Variants in BCORL1 observed in about 807,000 individuals in gnomAD.
The protein encoded by BCORL1 is BCL6 corepressor like 1.
Under a neutral mutation model 87.6 loss-of-function variants are expected in BCORL1, and 7 were observed. The observed-to-expected ratio is 0.08, with a 90% CI of 0.05 to 0.15. The LOEUF (loss-of-function observed/expected upper bound fraction) is 0.15. Among genes scored for constraint, BCORL1 ranks in the 10% least tolerant of loss-of-function variants. BCORL1 has a pLI of 1.00. For synonymous variants in BCORL1, 591 were observed against 634.4 expected, an observed-to-expected ratio of 0.93 and a Z score of 1.03; for missense variants, 1,215 against 1,499.7, an observed-to-expected ratio of 0.81 and a Z score of 3.13.
chrX:129,986,453 C>CA (rs1181741477), intron 1 of BCORL1, among the ~76,000 whole-genome samples: 1 of 111,736 alleles, frequency 8.9e-6, no homozygotes, highest in Admixed American at 9.5e-5. Context: ...TTCTCAGTGA[C>CA]ATAGACATTC....
chrX:130,023,123 A>G, intron 6 of BCORL1, 146 bp downstream of exon 6: 1 of 511,247 alleles, frequency 2.0e-6, no homozygotes, highest in Non-Finnish European at 3.3e-6. Context: ...TTGCAGAGAT[A>G]AGAGAGCCCT....
chrX:130,004,986 C>G (rs1603092172), intron 1 of BCORL1, among the ~76,000 whole-genome samples: 2 of 112,621 alleles, frequency 1.8e-5, no homozygotes, highest in African/African-American at 6.4e-5. Context: ...TTAACAATGT[C>G]CTCATCTCCA....
chrX:130,033,700 C>T (rs369519848), intron 8 of BCORL1, among the ~76,000 whole-genome samples: 9 of 111,695 alleles, frequency 8.1e-5, no homozygotes, highest in African/African-American at 1.9e-4. Context: ...CAAAGATAGC[C>T]GGCCGGGCAT....
intron 1 of BCORL1, among the ~76,000 whole-genome samples, chrX:129,995,975 T>G (rs899282244): frequency 5.4e-5 from 6 of 111,534 alleles, no homozygotes; most frequent in African/African-American, 2.0e-4. Context: ...CAGATTTGCC[T>G]TCACTCTAAA....
intron 1 of BCORL1, among the ~76,000 whole-genome samples, chrX:129,990,477 C>T (rs1260812248): frequency 3.6e-5 from 4 of 111,327 alleles, no homozygotes; most frequent in East Asian, 2.8e-4. Flanking sequence ...GTGATCCGCC[C>T]GCCTTGGCCT....
Position 130,021,324 on chromosome X carries a change from A to G in BCORL1, c.3607+174A>G, listed in dbSNP as rs1337076180. 3 of 747,413 alleles carry G rather than the reference A, an allele frequency of 4.0e-6. No homozygotes were observed. In the African/African-American group the frequency reaches 7.0e-5, roughly 17 times the overall value. 61.6% of individuals were successfully genotyped at this position (747,413 alleles called of 1,213,427 possible). The stretch of plus-strand genomic sequence containing the variant: ...TGAAGTCTAAGGTGAGCGAGCAAGG[A>G]TCGGGGGCCCCTTCTGCTCCTCCTG... On this transcript the variant is annotated intron_variant, in intron 5 of 13. Transcript: ENST00000540052.
Position 130,015,796 on chromosome X carries a change from G to A in BCORL1, c.3024G>A (p.Glu1008=). The change falls in exon 4 of 14, where the codon GAG becomes GAA. Residue 1008 remains glutamate, a synonymous_variant. Coordinates refer to ENST00000540052, the MANE Select transcript of BCORL1 (RefSeq NM_001379451.1). ...ATPQNLPKMP[E]LPLLPHDSHP... ...CCCAGAACCTGCCTAAGATGCCTGA[G>A]CTGCCTTTGCTACCTCACGACAGCC... 2 of 1,211,870 alleles carry A rather than the reference G, an allele frequency of 1.7e-6. No homozygotes were observed. The highest frequency in any genetic ancestry group is 2.2e-6 in the Non-Finnish European group (2 of 895,552).
intron 6 of BCORL1, among the ~76,000 whole-genome samples, chrX:130,023,245 A>C (rs1039852992): frequency 8.9e-6 from 1 of 111,863 alleles, no homozygotes; most frequent in Non-Finnish European, 1.9e-5. Flanking sequence ...TGATGGTGGA[A>C]AGAGGTAAGG....
intron 4 of BCORL1, among the ~76,000 whole-genome samples, chrX:130,017,727 C>T (rs1929545420): frequency 9.2e-6 from 1 of 108,926 alleles, no homozygotes; most frequent in Admixed American, 9.8e-5. Flanking sequence ...TTGCAGCCTT[C>T]ACCTTCTGGG....
rs771927172 is a variant in BCORL1 at position 130,056,031 on chromosome X, C to T, written c.5253C>T (p.Asp1751=). 1 of 1,212,198 alleles carries T rather than the reference C, an allele frequency of 8.2e-7. No homozygotes were observed. Among genetic ancestry groups the T allele is most frequent in the Non-Finnish European group, 1.1e-6 (1 of 895,578 alleles). ...CCGAGAGGCCTGGAGGCTTGGACGA[C>T]AGATCCCCCCCAGGCTCCTCTGAGA... is the stretch of plus-strand genomic sequence containing the variant. The part of the protein sequence containing the change: ...TPAERPGGLD[D]RSPPGSSETV... The change falls in exon 14 of 14, where the codon GAC becomes GAT. Residue 1751 remains aspartate, a synonymous_variant. Transcript: ENST00000540052.
intron 11 of BCORL1, among the ~76,000 whole-genome samples, chrX:130,050,005 G>A (rs535491453): frequency 7.7e-4 from 86 of 111,548 alleles, no homozygotes; most frequent in African/African-American, 2.5e-3. Context: ...AGCCCAGCCC[G>A]CGTGTGTCCC....
At chrX:129,996,940 C>T (rs777289924) in intron 1 of BCORL1, among the ~76,000 whole-genome samples, 1 of 111,563 alleles carries the variant, frequency 9.0e-6, no homozygotes, top group South Asian at 3.7e-4. Context: ...GGTTAAAAAC[C>T]TCGTAAACAG....
chrX:130,053,097 C>T (rs1419325253), intron 13 of BCORL1, among the ~76,000 whole-genome samples: 1 of 111,986 alleles, frequency 8.9e-6, no homozygotes, highest in East Asian at 2.8e-4. Flanking sequence ...CTGATATTGC[C>T]TGCTACACTC....
intron 2 of BCORL1, among the ~76,000 whole-genome samples, chrX:130,011,609 T>G (rs1345853518): frequency 4.8e-5 from 2 of 41,665 alleles, no homozygotes; most frequent in African/African-American, 6.0e-4. Flanking sequence ...CTCCCTTTTT[T>G]TTTTTGTCAG....
At chrX:130,050,297 G>A (rs1373221861) in intron 11 of BCORL1, among the ~76,000 whole-genome samples, 1 of 109,514 alleles carries the variant, frequency 9.1e-6, no homozygotes, top group East Asian at 2.8e-4. Flanking sequence ...TATTAGCCAG[G>A]TGTGGTGGTA....
rs921235760 is a variant in BCORL1, at chrX:130,056,736, T to A, written c.*600T>A. 1 of 111,350 alleles carries A rather than the reference T, an allele frequency of 9.0e-6. No homozygotes were observed. The highest frequency in any genetic ancestry group is 1.9e-5 in the Non-Finnish European group (1 of 52,935). 9.2% of individuals were successfully genotyped at this position (111,350 alleles called of 1,213,427 possible). A position where few individuals can be genotyped will look rare whatever the true frequency, so the allele number is the denominator to read the frequency against. ...ACAAAGCTATTCCCTGGTGTTTTTTTCCCCCACTGGGGAGGGGGTGAGGTG... is the reference window on the plus strand; with the variant it reads ...ACAAAGCTATTCCCTGGTGTTTTTTACCCCCACTGGGGAGGGGGTGAGGTG... On this transcript the variant is annotated 3_prime_UTR_variant, in exon 14 of 14. Coordinates refer to ENST00000540052, the MANE Select transcript of BCORL1 (RefSeq NM_001379451.1).
Position 130,014,544 on chromosome X carries a change from C to T in BCORL1, c.1772C>T (p.Thr591Ile). The change falls in exon 4 of 14, where the codon ACA becomes ATA. Residue 591 changes from threonine (T) to isoleucine (I), a missense_variant. Physicochemically the swap from Thr to Ile is moderately conservative, Grantham distance 89 (BLOSUM62 -1). Around this residue, in one of 5 missense-constraint regions of BCORL1, gnomAD observed 861 missense variants for 1,010.0 expected, o/e 0.85. Transcript: ENST00000540052. The part of the protein sequence containing the change: ...AKMPSGTEQQ[T>I]EGTSVTFSPL... ...ATGCCCAGTGGCACCGAGCAGCAAA[C>T]AGAAGGGACTTCCGTTACCTTCTCT... The T allele has an allele frequency of 1.7e-6, 2 of 1,211,831 alleles. No individual in the cohort carries two copies. Among genetic ancestry groups the T allele is most frequent in the Non-Finnish European group, 2.2e-6 (2 of 895,522 alleles).
intron 4 of BCORL1, among the ~76,000 whole-genome samples, chrX:130,018,263 G>A (rs761412796): frequency 8.9e-6 from 1 of 112,106 alleles, no homozygotes; most frequent in African/African-American, 3.2e-5. Flanking sequence ...TCCACAATAG[G>A]CAAATCCATG....
intron 2 of BCORL1, among the ~76,000 whole-genome samples, chrX:130,007,746 C>T (rs1044093058): frequency 9.0e-6 from 1 of 111,597 alleles, no homozygotes; most frequent in Non-Finnish European, 1.9e-5. Context: ...TGCAGTGAGC[C>T]GAGATTGCAC....
Sources: allele counts gnomAD v4.1 joint callset (sites outside exome capture counted in the v4.1 genomes callset), GRCh38; gene constraint gnomAD v4.1.1; regional missense constraint gnomAD v4.1.1; transcripts MANE v1.5; gene names NCBI Gene and HGNC (gene_info 2026-07-23, HGNC 2026-07-21).